KATNIP: variants seen among roughly 807,000 people sequenced by gnomAD.
The protein encoded by KATNIP is katanin interacting protein, also known as katanin-interacting protein.
A neutral mutation model predicts 174.0 loss-of-function variants in KATNIP; 126 were observed. The ratio of observed to expected loss-of-function variants is 0.72; its 90% confidence interval spans 0.63 to 0.84. KATNIP has a LOEUF of 0.84. Among genes scored for constraint, KATNIP ranks in the 40% least tolerant of loss-of-function variants. The pLI is 0.00. For missense variants in KATNIP, 1,958 were observed against 2,109.7 expected, an observed-to-expected ratio of 0.93 and a Z score of 1.41; for synonymous variants, 810 against 835.7, an observed-to-expected ratio of 0.97 and a Z score of 0.53.
Position 27,769,897 on chromosome 16 carries a change from G to A in KATNIP, c.4012G>A (p.Val1338Ile), listed in dbSNP as rs141451373. The change falls in exon 21 of 28, where the codon GTC becomes ATC. Residue 1338 changes from valine (V) to isoleucine (I), a missense_variant. Around this residue, in one of 3 missense-constraint regions of KATNIP, gnomAD observed 383 missense variants for 456.0 expected, o/e 0.84. Transcript: ENST00000261588. ...CCACGTCTCCCTGGATGGCCTGTGCGTCTCCCCGCCAGAGGGCTTTCTCAT... is the reference window on the plus strand; with the variant it reads ...CCACGTCTCCCTGGATGGCCTGTGCATCTCCCCGCCAGAGGGCTTTCTCAT... ...IVHVSLDGLC[V>I]SPPEGFLIRK... The A allele has an allele frequency of 4.7e-5, 76 of 1,614,070 alleles. No homozygotes were observed. Among genetic ancestry groups the A allele is most frequent in the South Asian group, 6.6e-5 (6 of 91,084 alleles).
In KATNIP at chr16:27,611,853, C is replaced by T. The variant is rs142339931; in HGVS notation, c.64-6572C>T. Among the ~76,000 whole-genome samples the T allele has an allele frequency of 2.8e-3, 420 of 152,194 alleles. 5 individuals are homozygous for T. The highest frequency in any genetic ancestry group is 0.026 in the East Asian group (134 of 5,178). ...TAACAACTCAGCACTTAATTATATC[C>T]GATTTCACACTGTATTGTATATAAT... On this transcript the variant is annotated intron_variant, in intron 2 of 27. Transcript: ENST00000261588.
At chr16:27,712,656 GTC>G (rs1395832717) in intron 13 of KATNIP, among the ~76,000 whole-genome samples, 2 of 152,104 alleles carry the variant, frequency 1.3e-5, no homozygotes, top group African/African-American at 4.8e-5. Flanking sequence ...CCCGCACCAT[GTC>G]TCTCATTGGC....
intron 8 of KATNIP, among the ~76,000 whole-genome samples, chr16:27,694,547 G>A (rs983853227): frequency 5.3e-5 from 8 of 152,094 alleles, no homozygotes; most frequent in Non-Finnish European, 8.8e-5. Context: ...TGTAATCCCA[G>A]CACTTTGGGA....
At chr16:27,671,703 C>T (rs2142666444) in intron 6 of KATNIP, among the ~76,000 whole-genome samples, 1 of 152,318 alleles carries the variant, frequency 6.6e-6, no homozygotes, top group East Asian at 1.9e-4. Flanking sequence ...GCCCTGTTTC[C>T]ATCCTTGTCC....
At chr16:27,750,798 C>A (rs1265048356) in intron 16 of KATNIP, among the ~76,000 whole-genome samples, 1 of 129,122 alleles carries the variant, frequency 7.7e-6, no homozygotes, top group Admixed American at 9.3e-5. Flanking sequence ...GGCATGGTTT[C>A]GGCTCACTGC....
intron 9 of KATNIP, 85 bp from the exon 10 acceptor site, chr16:27,699,449 C>A: frequency 1.3e-6 from 2 of 1,574,402 alleles, no homozygotes; most frequent in Non-Finnish European, 1.7e-6. Flanking sequence ...GGTCCCTGCC[C>A]TTTTCTGTGC....
intron 5 of KATNIP, among the ~76,000 whole-genome samples, chr16:27,645,689 C>T (rs899081471): frequency 2.6e-5 from 4 of 152,210 alleles, no homozygotes; most frequent in African/African-American, 9.6e-5. Context: ...GGCTTTCTTC[C>T]TCATTCTCAC....
intron 4 of KATNIP, among the ~76,000 whole-genome samples, chr16:27,629,779 C>G (rs1054973059): frequency 1.3e-5 from 2 of 152,052 alleles, no homozygotes; most frequent in African/African-American, 4.8e-5. Context: ...TTTGGGAGGC[C>G]AAGGTGGGCA....
intron 6 of KATNIP, among the ~76,000 whole-genome samples, chr16:27,658,572 C>CA (rs2077369974): frequency 6.6e-6 from 1 of 152,110 alleles, no homozygotes; most frequent in Non-Finnish European, 1.5e-5. Context: ...AACAAAAATA[C>CA]AGAGTTTCAC....
chr16:27,671,580 C>T (rs936189679), intron 6 of KATNIP, among the ~76,000 whole-genome samples: 2 of 152,176 alleles, frequency 1.3e-5, no homozygotes, highest in Non-Finnish European at 2.9e-5. Flanking sequence ...TGATTCATTT[C>T]TAGTCAGTCA....
intron 2 of KATNIP, among the ~76,000 whole-genome samples, chr16:27,587,901 TTTTTC>T (rs1182283951): frequency 2.4e-4 from 36 of 151,526 alleles, no homozygotes; most frequent in Admixed American, 1.1e-3. Context: ...TTCCCTTTCC[TTTTTC>T]TTTTCTTTTC....
intron 15 of KATNIP, among the ~76,000 whole-genome samples, chr16:27,741,179 G>A (rs1213406380): frequency 6.6e-6 from 1 of 152,180 alleles, no homozygotes; most frequent in Admixed American, 6.5e-5. Flanking sequence ...CATTTTTCTT[G>A]CAACACATGG....
At chr16:27,567,028 C>G (rs1283041070) in intron 1 of KATNIP, among the ~76,000 whole-genome samples, 1 of 152,156 alleles carries the variant, frequency 6.6e-6, no homozygotes, top group Non-Finnish European at 1.5e-5. Flanking sequence ...TTTCCAGAAA[C>G]CGTATTTTGT....
chr16:27,740,128 G>A lies in KATNIP; in HGVS notation c.1831G>A (p.Ala611Thr). 6.2e-7 allele frequency: 1 copy of A among 1,614,162 alleles called. No homozygotes were observed. The highest frequency in any genetic ancestry group is 8.5e-7 in the Non-Finnish European group (1 of 1,180,030). ...NGKLDKGDRE[A>T]PADHSILVDQ... is the part of the protein sequence containing the mutation. ...CAAGTTAGACAAAGGAGATAGGGAG[G>A]CCCCAGCTGACCACAGCATCCTGGT... The change falls in exon 15 of 28, where the codon GCC becomes ACC. Residue 611 changes from alanine (A) to threonine (T), a missense_variant. Transcript: ENST00000261588.
At position 27,708,815 on chromosome 16, in the gene KATNIP, C is replaced by G. The variant is rs151072917; in HGVS notation, c.1500C>G (p.Phe500Leu). 6.2e-7 allele frequency: 1 copy of G among 1,613,998 alleles called. No individual in the cohort carries two copies. Among genetic ancestry groups the G allele is most frequent in the South Asian group, 1.1e-5 (1 of 91,068 alleles). Residue 500 changes from phenylalanine (F) to leucine (L), a missense_variant, in exon 13 of 28, where the codon TTC becomes TTG. Coordinates refer to ENST00000261588, the MANE Select transcript of KATNIP (RefSeq NM_015202.5). ...GGGTGGGTCTCACAGAAGTCGAGTTCTTTGACTTGAATGACACAAAGCTTT... is the reference window on the plus strand; with the variant it reads ...GGGTGGGTCTCACAGAAGTCGAGTTGTTTGACTTGAATGACACAAAGCTTT... ...SWWVGLTEVEFFDLNDTKLYV... is the reference protein window; with the variant it reads ...SWWVGLTEVELFDLNDTKLYV...
At chr16:27,766,164 C>A in intron 19 of KATNIP, 145 bp from the exon 20 acceptor site, 2 of 700,978 alleles carry the variant, frequency 2.9e-6, no homozygotes, top group Non-Finnish European at 4.6e-6. Flanking sequence ...TCTCAGCAGT[C>A]ACACCTCCCC....
At chr16:27,683,287 C>A (rs1332904583) in intron 8 of KATNIP, among the ~76,000 whole-genome samples, 1 of 152,222 alleles carries the variant, frequency 6.6e-6, no homozygotes, top group East Asian at 1.9e-4. Context: ...CTGGAGCCTG[C>A]ATCCCAGTGG....
intron 2 of KATNIP, among the ~76,000 whole-genome samples, chr16:27,600,096 A>C (rs1373033467): frequency 6.6e-6 from 1 of 152,162 alleles, no homozygotes; most frequent in African/African-American, 2.4e-5. Context: ...TTTGATTAAA[A>C]TCTGTCTTCC....
intron 15 of KATNIP, among the ~76,000 whole-genome samples, chr16:27,747,119 G>A (rs74013508): frequency 0.012 from 1,867 of 152,286 alleles, 28 homozygotes; most frequent in African/African-American, 0.036. Flanking sequence ...GGAGAGGAGC[G>A]GCCTGGGCCT....
Sources: gnomAD v4.1 joint callset for allele counts (sites outside exome capture counted in the v4.1 genomes callset) on GRCh38, gnomAD v4.1.1 for gene constraint, gnomAD v4.1.1 regional missense constraint, MANE v1.5 for transcripts, NCBI Gene and HGNC (gene_info 2026-07-23, HGNC 2026-07-21) for gene names.